DISC1: variants seen among roughly 807,000 people sequenced by gnomAD.
DISC1 encodes the protein disrupted in schizophrenia 1 protein.
DISC1 carries 57 observed loss-of-function variants against 84.5 expected under a neutral mutation model. The ratio of observed to expected loss-of-function variants is 0.67; its 90% CI spans 0.55 to 0.84. DISC1 has a LOEUF of 0.84. DISC1 is among the 40% of genes least tolerant of loss of function. The pLI, the probability that DISC1 is intolerant of heterozygous loss-of-function variation, is 0.00. For missense variants in DISC1, 1,000 were observed against 1,057.8 expected, an observed-to-expected ratio of 0.95 and a Z score of 0.76; for synonymous variants, 411 against 415.2, an observed-to-expected ratio of 0.99 and a Z score of 0.12.
intron 10 of DISC1, among the ~76,000 whole-genome samples, chr1:231,979,779 G>T (rs1235751970): frequency 1.3e-5 from 2 of 151,562 alleles, no homozygotes; most frequent in African/African-American, 4.8e-5. Flanking sequence ...GAATAATAGT[G>T]ATGTTATTAA....
At chr1:231,743,040 G>A (rs2073511275) in intron 3 of DISC1, among the ~76,000 whole-genome samples, 1 of 152,188 alleles carries the variant, frequency 6.6e-6, no homozygotes, top group Non-Finnish European at 1.5e-5. Flanking sequence ...ATTTTTGGCA[G>A]CCAGTTTACC....
chr1:231,924,406 C>T (rs199664227), intron 9 of DISC1, among the ~76,000 whole-genome samples: 12 of 152,262 alleles, frequency 7.9e-5, no homozygotes, highest in Non-Finnish European at 1.3e-4. Context: ...GCCATAGTTA[C>T]GGGACAAAAA....
At chr1:231,880,557 A>G (rs569247160) in intron 9 of DISC1, among the ~76,000 whole-genome samples, 54 of 152,330 alleles carry the variant, frequency 3.5e-4, no homozygotes, top group African/African-American at 1.2e-3. Context: ...CAGAGATGAT[A>G]ACACTGTTAT....
chr1:231,694,178 T>A lies in DISC1; in HGVS notation c.420T>A (p.Ser140Arg). 2 of 1,613,932 alleles carry A rather than the reference T, an allele frequency of 1.2e-6. No individual in the cohort carries two copies. Among genetic ancestry groups the A allele is most frequent in the Non-Finnish European group, 1.7e-6 (2 of 1,179,982 alleles). The change falls in exon 2 of 13, where the codon AGT becomes AGA. Residue 140 changes from serine (S) to arginine (R), a missense_variant. Ser to Arg is a moderately radical substitution (Grantham distance 110). Around this residue, in one of 3 missense-constraint regions of DISC1, gnomAD observed 292 missense variants for 280.2 expected, o/e 1.04. Coordinates refer to ENST00000439617, the MANE Select transcript of DISC1 (RefSeq NM_018662.3). ...TTAGCTGGCCGTGTGGCCCTGGGAG[T>A]GCTGGGTGGCAGCAAGAGTTTGCAG... is the stretch of plus-strand genomic sequence containing the variant. ...DRLSWPCGPG[S>R]AGWQQEFAAM...
At chr1:231,962,558 G>C (rs906583752) in intron 10 of DISC1, among the ~76,000 whole-genome samples, 1 of 152,122 alleles carries the variant, frequency 6.6e-6, no homozygotes, top group Admixed American at 6.6e-5. Flanking sequence ...AAACTGTAAG[G>C]CTACAGTAAC....
chr1:231,721,593 G>A (rs150883127), intron 3 of DISC1, among the ~76,000 whole-genome samples: 173 of 151,428 alleles, frequency 1.1e-3, no homozygotes, highest in African/African-American at 4.1e-3. Context: ...GCAACCTGGG[G>A]TTGCTGATAT....
intron 10 of DISC1, among the ~76,000 whole-genome samples, chr1:231,985,153 T>C (rs1165333130): frequency 6.6e-6 from 1 of 151,840 alleles, no homozygotes; most frequent in Non-Finnish European, 1.5e-5. Context: ...AAACCCCATC[T>C]CTACTAAAAA....
chr1:231,664,541 A>G (rs553871781), intron 1 of DISC1, among the ~76,000 whole-genome samples: 1 of 152,326 alleles, frequency 6.6e-6, no homozygotes, highest in East Asian at 1.9e-4. Context: ...GTGCTCATAA[A>G]GGAAAGAGGG....
chr1:231,937,603 A>G (rs1239464687), intron 9 of DISC1, among the ~76,000 whole-genome samples: 2 of 152,196 alleles, frequency 1.3e-5, no homozygotes, highest in South Asian at 2.1e-4. Flanking sequence ...GCACCGGAAC[A>G]TGGTCTCTTC....
chr1:232,027,827 GTGTA>G (rs978971027), intron 12 of DISC1, among the ~76,000 whole-genome samples: 1 of 149,682 alleles, frequency 6.7e-6, no homozygotes, highest in African/African-American at 2.5e-5. Flanking sequence ...GTGTGTGTGT[GTGTA>G]TAAGTAGCTT....
intron 9 of DISC1, among the ~76,000 whole-genome samples, chr1:231,877,880 C>G (rs935970970): frequency 1.3e-5 from 2 of 152,072 alleles, no homozygotes; most frequent in African/African-American, 4.8e-5. Context: ...GACTTAATAG[C>G]TAAATTCAAA....
intron 10 of DISC1, among the ~76,000 whole-genome samples, chr1:231,968,943 C>T (rs1157836579): frequency 2.6e-5 from 4 of 152,058 alleles, no homozygotes; most frequent in South Asian, 2.1e-4. Flanking sequence ...AAGATAAAAA[C>T]TATTTCTTAT....
chr1:231,678,951 C>T (rs987697707), intron 1 of DISC1, among the ~76,000 whole-genome samples: 2 of 152,260 alleles, frequency 1.3e-5, no homozygotes, highest in Non-Finnish European at 2.9e-5. Flanking sequence ...GCTGGGATTA[C>T]AGGCATGAGC....
rs530244574 is a variant in DISC1 at position 231,938,037 on chromosome 1, C to T, written c.1982-20791C>T. On this transcript the variant is annotated intron_variant, in intron 9 of 12. Transcript: ENST00000439617. Reference sequence around the variant, plus strand: ...TCTTTACTGGTCCTTCCTTCTCATCCGTCATTTTAAGGTTTTGTTCTTTTG... The same window carrying T: ...TCTTTACTGGTCCTTCCTTCTCATCTGTCATTTTAAGGTTTTGTTCTTTTG... 4.0e-4 allele frequency among the ~76,000 whole-genome samples: 61 copies of T among 152,054 alleles called. 1 individual carries two copies. In the South Asian group the frequency reaches 9.2e-3, roughly 23 times the overall value.
chr1:232,012,325 A>G lies in DISC1; in HGVS notation c.2307+3276A>G, dbSNP rs373276740. Among the ~76,000 whole-genome samples the G allele has an allele frequency of 1.6e-4, 24 of 152,276 alleles. No homozygotes were observed. In the South Asian group the frequency reaches 5.0e-3, roughly 32 times the overall value. ...GTTAGTGGAAGATACCCAGTCAGAGAAAGGTTTAACGAAGGAAAACTCCCG... is the reference window on the plus strand; with the variant it reads ...GTTAGTGGAAGATACCCAGTCAGAGGAAGGTTTAACGAAGGAAAACTCCCG... On this transcript the variant is annotated intron_variant, in intron 11 of 12. Coordinates refer to ENST00000439617, the MANE Select transcript of DISC1 (RefSeq NM_018662.3).
intron 9 of DISC1, among the ~76,000 whole-genome samples, chr1:231,827,623 C>G (rs1248747641): frequency 1.8e-4 from 28 of 152,176 alleles, no homozygotes; most frequent in Admixed American, 1.8e-3. Context: ...TTCAGATTCT[C>G]TGAGCTCTTA....
At chr1:231,903,287 A>G (rs1383964572) in intron 9 of DISC1, among the ~76,000 whole-genome samples, 1 of 149,950 alleles carries the variant, frequency 6.7e-6, no homozygotes, top group Non-Finnish European at 1.5e-5. Context: ...ATCCAGTATG[A>G]CCTCCTCTTA....
At chr1:231,716,141 T>G (rs534618392) in intron 3 of DISC1, among the ~76,000 whole-genome samples, 5 of 152,094 alleles carry the variant, frequency 3.3e-5, no homozygotes, top group South Asian at 4.1e-4. Flanking sequence ...ACTTACCCGC[T>G]ACCCCCGGGT....
intron 10 of DISC1, among the ~76,000 whole-genome samples, chr1:231,961,309 CCTT>C (rs1172093125): frequency 6.6e-6 from 1 of 152,172 alleles, no homozygotes; most frequent in African/African-American, 2.4e-5. Flanking sequence ...GGACAGGACT[CCTT>C]CTGAAATGAG....
Sources: gnomAD v4.1 joint callset for allele counts (sites outside exome capture counted in the v4.1 genomes callset) on GRCh38, gnomAD v4.1.1 for gene constraint, gnomAD v4.1.1 regional missense constraint, MANE v1.5 for transcripts, NCBI Gene and HGNC (gene_info 2026-07-23, HGNC 2026-07-21) for gene names.